The following NXN variants were observed in gnomAD, a reference collection of about 807,000 sequenced individuals.
NXN encodes the protein nucleoredoxin 1.
A neutral mutation model predicts 48.6 loss-of-function variants in NXN; 16 were observed. That is an observed-to-expected ratio of 0.33 (90% CI 0.22 to 0.50). The LOEUF is 0.50. NXN is among the 20% of genes least tolerant of loss of function. The pLI is 0.98. For missense variants in NXN, 492 were observed against 605.5 expected (o/e 0.81, Z 1.97); for synonymous variants, 281 against 269.6 (o/e 1.04, Z -0.41).
intron 1 of NXN, among the ~76,000 whole-genome samples, chr17:893,475 G>A (rs181897169): frequency 4.5e-4 from 68 of 152,346 alleles, no homozygotes; most frequent in Non-Finnish European, 3.8e-4. Flanking sequence ...GCTCAGTAGC[G>A]TGACATAAGA....
At chr17:913,779 A>ATCCT in intron 1 of NXN, among the ~76,000 whole-genome samples, 1 of 152,034 alleles carries the variant, frequency 6.6e-6, no homozygotes, top group East Asian at 1.9e-4. Flanking sequence ...AGCAGAAAAA[A>ATCCT]AATGTGTAAA....
intron 1 of NXN, chr17:896,854 A>AGCGGGGGGGGGGGGGGGGG: frequency 1.1e-6 from 1 of 908,610 alleles, no homozygotes; most frequent in Non-Finnish European, 1.5e-6. Context: ...CGCGGTCCTG[A>AGCGGGGGGGGGGGGGGGGG]CCACCCGCCC....
intron 1 of NXN, among the ~76,000 whole-genome samples, chr17:964,991 G>A (rs1447781777): frequency 6.6e-6 from 1 of 152,216 alleles, no homozygotes; most frequent in South Asian, 2.1e-4. Context: ...GTTGGGTAGA[G>A]GGCAGGGCAG....
At chr17:864,191 T>C in intron 1 of NXN, 143 of 1,197,838 alleles carry the variant, frequency 1.2e-4, no homozygotes, top group Middle Eastern at 2.2e-4. Flanking sequence ...GTTGCTCGGT[T>C]CCGGTGAAGG....
At chr17:903,414 C>T (rs950075614) in intron 1 of NXN, among the ~76,000 whole-genome samples, 4 of 151,566 alleles carry the variant, frequency 2.6e-5, no homozygotes, top group African/African-American at 9.7e-5. Context: ...CAGGGTCTCG[C>T]TCTGTCACCC....
At chr17:962,921 G>A (rs1008390320) in intron 1 of NXN, among the ~76,000 whole-genome samples, 2 of 152,076 alleles carry the variant, frequency 1.3e-5, no homozygotes, top group African/African-American at 4.8e-5. Flanking sequence ...ACGGGGAAGC[G>A]GCTTTCAAAG....
intron 1 of NXN, among the ~76,000 whole-genome samples, chr17:935,873 A>G (rs2068902470): frequency 6.6e-6 from 1 of 152,050 alleles, no homozygotes; most frequent in African/African-American, 2.4e-5. Flanking sequence ...CAGGTGGATC[A>G]CCTGAGGTCG....
chr17:885,238 C>T (rs1042539574), intron 1 of NXN, among the ~76,000 whole-genome samples: 2 of 152,066 alleles, frequency 1.3e-5, no homozygotes, highest in East Asian at 1.9e-4. Context: ...CCGAGACGGG[C>T]GGATCACGAG....
rs573004255 is a variant in NXN, at chr17:843,055, A to G, written c.361-16977T>C. 1.0e-4 allele frequency among the ~76,000 whole-genome samples: 12 copies of G among 116,438 alleles called. No homozygotes were observed. In the South Asian group the frequency reaches 2.1e-3, roughly 21 times the overall value. 76.4% of individuals were successfully genotyped at this position (116,438 alleles called of 152,430 possible). On this transcript the variant is annotated intron_variant, in intron 1 of 7. Transcript: ENST00000336868. ...AAGAAAGAAAGAAAGAAAGAAAGAA[A>G]GAAGGAAGAAAGCAAGCAAGCAAGC...
At position 958,146 on chromosome 17, in the gene NXN, A is replaced by C. The variant is rs897069997; in HGVS notation, c.360+21173T>G. Among the ~76,000 whole-genome samples the C allele has an allele frequency of 1.3e-5, 2 of 152,090 alleles. No individual in the cohort carries two copies. Among genetic ancestry groups the C allele is most frequent in the African/African-American group, 2.4e-5 (1 of 41,402 alleles). On this transcript the variant is annotated intron_variant, in intron 1 of 7. Coordinates refer to ENST00000336868, the MANE Select transcript of NXN (RefSeq NM_022463.5). This position sits in a 1 kb window ranked among gnomAD's most constrained non-coding sequence, Gnocchi z 6.9. ...TATATCTGGAATATCTCTCTGTCTT[A>C]ATCCACTGGACTACCCTCCCCCTCG...
intron 1 of NXN, among the ~76,000 whole-genome samples, chr17:894,922 G>A (rs113047970): frequency 2.0e-5 from 3 of 149,550 alleles, no homozygotes; most frequent in African/African-American, 4.9e-5. Flanking sequence ...CCCGCTGGCC[G>A]CCTTCATGAT....
At chr17:927,670 C>T (rs2068814700) in intron 1 of NXN, among the ~76,000 whole-genome samples, 1 of 150,204 alleles carries the variant, frequency 6.7e-6, no homozygotes, top group African/African-American at 2.4e-5. Flanking sequence ...GCCCACGTAA[C>T]CAGTCAGACA....
At chr17:846,514 G>A (rs2067863758) in intron 1 of NXN, among the ~76,000 whole-genome samples, 1 of 151,800 alleles carries the variant, frequency 6.6e-6, no homozygotes, top group African/African-American at 2.4e-5. Context: ...TTTTTGCACA[G>A]AGGGGTGCCC....
chr17:810,756 G>A (rs963058947), intron 5 of NXN, among the ~76,000 whole-genome samples: 2 of 152,110 alleles, frequency 1.3e-5, no homozygotes, highest in African/African-American at 4.8e-5. Flanking sequence ...GGGCGTGGTA[G>A]CGCACCCCTG....
At chr17:970,960 T>G (rs576092159) in intron 1 of NXN, among the ~76,000 whole-genome samples, 6 of 151,740 alleles carry the variant, frequency 4.0e-5, no homozygotes, top group South Asian at 2.1e-4. Flanking sequence ...TTTTTTTTTT[T>G]TTTGACACGG....
At chr17:893,415 T>C (rs1282402914) in intron 1 of NXN, among the ~76,000 whole-genome samples, 4 of 152,250 alleles carry the variant, frequency 2.6e-5, no homozygotes, top group Non-Finnish European at 2.9e-5. Flanking sequence ...ATATTCACTC[T>C]GGTGAGAATG....
Position 826,056 on chromosome 17 carries a change from C to G in NXN, c.383G>C (p.Arg128Pro). The G allele has an allele frequency of 1.2e-6, 2 of 1,613,590 alleles. No homozygotes were observed. Among genetic ancestry groups the G allele is most frequent in the Non-Finnish European group, 1.7e-6 (2 of 1,179,604 alleles). The change falls in exon 2 of 8, where the codon CGA becomes CCA. Residue 128 changes from arginine to proline, a missense_variant. Arg to Pro is a moderately radical substitution (Grantham distance 103). Around this residue, in one of 3 missense-constraint regions of NXN, gnomAD observed 186 missense variants for 199.1 expected, o/e 0.93. Transcript: ENST00000336868. ...HRKLKLWNKY[R>P]ISNIPSLIFL... is the part of the protein sequence containing the mutation. The stretch of plus-strand genomic sequence containing the variant: ...TATTAGTGATGGAATGTTGGAAATT[C>G]GGTATTTGTTCCAAAGTTTGAGCTG...
intron 5 of NXN, among the ~76,000 whole-genome samples, chr17:817,937 A>T (rs1912572747): frequency 6.6e-6 from 1 of 152,158 alleles, no homozygotes; most frequent in Admixed American, 6.6e-5. Flanking sequence ...CACGATAAAG[A>T]ATAAAAATAC....
intron 1 of NXN, among the ~76,000 whole-genome samples, chr17:865,394 C>T (rs538321796): frequency 4.6e-5 from 7 of 152,066 alleles, no homozygotes; most frequent in Non-Finnish European, 1.0e-4. Context: ...AGGCATGCAC[C>T]ACCACGCCCG....
Sources: gnomAD v4.1 joint callset for allele counts (sites outside exome capture counted in the v4.1 genomes callset) on GRCh38, gnomAD v4.1.1 for gene constraint, gnomAD v4.1.1 regional missense constraint, Gnocchi (gnomAD v3.1) non-coding constraint, MANE v1.5 for transcripts, NCBI Gene and HGNC (gene_info 2026-07-23, HGNC 2026-07-21) for gene names.